The following CNTD1 variants were observed in gnomAD, a reference collection of about 807,000 sequenced individuals.
The protein encoded by CNTD1 is cyclin N-terminal domain containing 1.
In CNTD1, 17 loss-of-function variants were observed where a neutral mutation model predicts 36.3. That is an observed-to-expected ratio of 0.47 (90% CI 0.32 to 0.70). The LOEUF (loss-of-function observed/expected upper bound fraction) is 0.70. Among genes scored for constraint, CNTD1 ranks in the 30% least tolerant of loss-of-function variants. The pLI is 0.03. For synonymous variants in CNTD1, 128 were observed against 153.3 expected (o/e 0.83, Z 1.22); for missense variants, 338 against 386.1 (o/e 0.88, Z 1.04).
chr17:42,801,537 AT>A lies in CNTD1; in HGVS notation c.170-2082del, dbSNP rs1294527394. ...TATATATATATATATATATATATAT[AT>A]ATATATATAATATATGTGTGTGTGT... On this transcript the variant is annotated intron_variant, in intron 1 of 6. Transcript: ENST00000588408. 3.4e-3 allele frequency among the ~76,000 whole-genome samples: 270 copies of A among 78,988 alleles called. 5 individuals carry two copies. Among genetic ancestry groups the A allele is most frequent in the Admixed American group, 0.023 (150 of 6,648 alleles). The allele number at this position is 78,988 out of a possible 152,430, so 51.8% of individuals were successfully genotyped here.
At chr17:42,804,543 C>T in intron 3 of CNTD1, 147 bp downstream of exon 3, 2 of 687,432 alleles carry the variant, frequency 2.9e-6, no homozygotes, top group Non-Finnish European at 4.7e-6. Flanking sequence ...CGCGGTGGCT[C>T]ATGCCTGTAA....
Position 42,810,860 on chromosome 17 carries a change from T to G in CNTD1, c.*1325T>G, listed in dbSNP as rs1200853286. ...TGTCCACTGCTCCTCAGAGTTAAACTGGGTTTTGATGGAATAGGAGCCGCC... is the reference window on the plus strand; with the variant it reads ...TGTCCACTGCTCCTCAGAGTTAAACGGGGTTTTGATGGAATAGGAGCCGCC... On this transcript the variant is annotated 3_prime_UTR_variant, in exon 7 of 7. Transcript: ENST00000588408. The G allele has an allele frequency of 6.2e-7, 1 of 1,613,624 alleles. No homozygotes were observed. Among genetic ancestry groups the G allele is most frequent in the Non-Finnish European group, 8.5e-7 (1 of 1,179,800 alleles).
chr17:42,810,680 C>A lies in CNTD1; in HGVS notation c.*1145C>A, dbSNP rs1366935228. 4 of 1,430,952 alleles carry A rather than the reference C, an allele frequency of 2.8e-6. No homozygotes were observed. Among genetic ancestry groups the A allele is most frequent in the Non-Finnish European group, 1.9e-6 (2 of 1,062,240 alleles). 88.6% of individuals were successfully genotyped at this position (1,430,952 alleles called of 1,614,324 possible). ...TGTAAACATGTACTGTTTAATATTA[C>A]CCGAATTTAATTTAAAACATGTTTG... On this transcript the variant is annotated 3_prime_UTR_variant, in exon 7 of 7. Transcript: ENST00000588408.
At chr17:42,808,247 A>G (rs1254208928) in intron 6 of CNTD1, among the ~76,000 whole-genome samples, 1 of 151,902 alleles carries the variant, frequency 6.6e-6, no homozygotes, top group East Asian at 1.9e-4. Flanking sequence ...TTGTCTCTAC[A>G]AAAATTAAAA....
chr17:42,806,401 ACT>A (rs1228217869), intron 4 of CNTD1, among the ~76,000 whole-genome samples: 1 of 152,068 alleles, frequency 6.6e-6, no homozygotes, highest in African/African-American at 2.4e-5. Context: ...CTCACTAGGC[ACT>A]CTTATTGCAG....
intron 6 of CNTD1, 68 bp downstream of exon 6, chr17:42,807,932 TAAAGGA>T (rs2054907732): frequency 7.9e-7 from 1 of 1,265,540 alleles, no homozygotes; most frequent in Non-Finnish European, 1.2e-6. Flanking sequence ...ACCCATCAGT[TAAAGGA>T]AAACAGAGGA....
chr17:42,809,790 T>C lies in CNTD1; in HGVS notation c.*255T>C, dbSNP rs1174096917. 1 of 374,316 alleles carries C rather than the reference T, an allele frequency of 2.7e-6. No homozygotes were observed. The highest frequency in any genetic ancestry group is 4.9e-6 in the Non-Finnish European group (1 of 205,944). 23.2% of individuals were successfully genotyped at this position (374,316 alleles called of 1,614,324 possible). On this transcript the variant is annotated 3_prime_UTR_variant, in exon 7 of 7. Transcript: ENST00000588408. ...TGTTTCATTTTTGTTTAACAAGGTA[T>C]TTATACTTTTAGCTTAATTTCATTA...
Position 42,807,805 on chromosome 17 carries a change from T to C in CNTD1, c.763T>C (p.Leu255=). ...TTCAGTGAAGGAAGACTTCATGCTG[T>C]TGGCAGTAGGAATCATTGCAGCAAG... The part of the protein sequence containing the change: ...FTSVKEDFML[L]AVGIIAASAF... The change falls in exon 6 of 7, where the codon TTG becomes CTG. Residue 255 remains leucine, a synonymous_variant. Transcript: ENST00000588408. 3 of 1,614,194 alleles carry C rather than the reference T, an allele frequency of 1.9e-6. No homozygotes were observed. The highest frequency in any genetic ancestry group is 1.3e-5 in the African/African-American group (1 of 75,068).
rs1180028856 is a variant in CNTD1, at chr17:42,806,835, AG to A, written c.725+20del. Reference sequence around the variant, plus strand: ...GCTGCAAGGGTAAGACAACTCCTATAGGGTAGGCTCCTTCCAGGAACAGGGA... The same window carrying A: ...GCTGCAAGGGTAAGACAACTCCTATAGGTAGGCTCCTTCCAGGAACAGGGA... On this transcript the variant is annotated intron_variant, in intron 5 of 6. Transcript: ENST00000588408. The A allele has an allele frequency of 1.1e-5, 17 of 1,613,432 alleles. No homozygotes were observed. The highest frequency in any genetic ancestry group is 1.2e-5 in the Non-Finnish European group (14 of 1,179,598).
chr17:42,802,831 C>T (rs1241907818), intron 1 of CNTD1, among the ~76,000 whole-genome samples: 1 of 152,110 alleles, frequency 6.6e-6, no homozygotes, highest in Non-Finnish European at 1.5e-5. Flanking sequence ...CCCTTGTTTC[C>T]ACCCTCTAAT....
chr17:42,801,510 AATAT>A (rs1216506814), intron 1 of CNTD1, among the ~76,000 whole-genome samples: 4,846 of 53,608 alleles, frequency 0.09, 269 homozygotes, highest in South Asian at 0.12. Flanking sequence ...AAAAAAAAAA[AATAT>A]ATATATATAT....
Position 42,811,087 on chromosome 17 carries a change from T to G in CNTD1, c.*1552T>G. ...TTTGGATTTGCTTGAAAGCCAAAAATCAAGAAGACTGTCACAAGAGCCTCA... is the reference window on the plus strand; with the variant it reads ...TTTGGATTTGCTTGAAAGCCAAAAAGCAAGAAGACTGTCACAAGAGCCTCA... On this transcript the variant is annotated 3_prime_UTR_variant, in exon 7 of 7. Coordinates refer to ENST00000588408, the MANE Select transcript of CNTD1 (RefSeq NM_173478.3). The G allele has an allele frequency of 1.5e-6, 1 of 680,312 alleles. No homozygotes were observed. The highest frequency in any genetic ancestry group is 1.8e-5 in the African/African-American group (1 of 54,796). The allele number at this position is 680,312 out of a possible 1,614,324, so 42.1% of individuals were successfully genotyped here. A position where few individuals can be genotyped will look rare whatever the true frequency, so the allele number is the denominator to read the frequency against.
intron 1 of CNTD1, among the ~76,000 whole-genome samples, chr17:42,799,727 AGAC>A (rs1351318538): frequency 7.5e-6 from 1 of 133,278 alleles, no homozygotes; most frequent in Non-Finnish European, 1.6e-5. Flanking sequence ...ACTTCAGCCT[AGAC>A]GACAAGAATG....
At chr17:42,801,098 T>C (rs1329475577) in intron 1 of CNTD1, among the ~76,000 whole-genome samples, 2 of 148,440 alleles carry the variant, frequency 1.3e-5, no homozygotes, top group African/African-American at 5.0e-5. Flanking sequence ...GGCAGGGGAA[T>C]GGCTTGAACC....
chr17:42,806,113 A>C (rs2054874924), intron 4 of CNTD1, among the ~76,000 whole-genome samples: 1 of 152,100 alleles, frequency 6.6e-6, no homozygotes, highest in Non-Finnish European at 1.5e-5. Context: ...CTGTAATCCC[A>C]GCTACTTGGA....
rs749664215 is a variant in CNTD1 at position 42,803,655 on chromosome 17, G to T, written c.205G>T (p.Glu69Ter). 1.2e-6 allele frequency: 2 copies of T among 1,614,026 alleles called. No individual in the cohort carries two copies. Among genetic ancestry groups the T allele is most frequent in the South Asian group, 2.2e-5 (2 of 91,050 alleles). The change falls in exon 2 of 7, where the codon GAG becomes TAG. Residue 69 changes from glutamate (E) to a stop codon, truncating the protein, a stop_gained. Coordinates refer to ENST00000588408, the MANE Select transcript of CNTD1 (RefSeq NM_173478.3). LOFTEE classifies it high-confidence loss of function. ...TCTCCTGTCTGAACAATGGTGTCTG[G>T]AGAAATCTGTGAGCTACCAGGCTGT... is the stretch of plus-strand genomic sequence containing the variant. ...VFLLSEQWCL[E>*]KSVSYQAVEI...
chr17:42,806,497 T>C (rs1296329646), intron 4 of CNTD1, among the ~76,000 whole-genome samples, 177 bp from the exon 5 acceptor site: 9 of 152,202 alleles, frequency 5.9e-5, no homozygotes, highest in Middle Eastern at 3.4e-3. Context: ...CAGATGGAGG[T>C]TTCTCTACCT....
chr17:42,799,001 G>A lies in CNTD1; in HGVS notation c.-67G>A. ...ATCCAGGGTGTGGCAGAAGACTGGAGAGGAGCTAAGGGGGTCGGTATGTGG... is the reference window on the plus strand; with the variant it reads ...ATCCAGGGTGTGGCAGAAGACTGGAAAGGAGCTAAGGGGGTCGGTATGTGG... On this transcript the variant is annotated 5_prime_UTR_variant, in exon 1 of 7. Coordinates refer to ENST00000588408, the MANE Select transcript of CNTD1 (RefSeq NM_173478.3). The A allele has an allele frequency of 6.4e-7, 1 of 1,570,396 alleles. No individual in the cohort carries two copies. The highest frequency in any genetic ancestry group is 8.6e-7 in the Non-Finnish European group (1 of 1,159,428).
chr17:42,805,155 A>ACAT (rs528430109), intron 3 of CNTD1, among the ~76,000 whole-genome samples: 270 of 152,324 alleles, frequency 1.8e-3, no homozygotes, highest in African/African-American at 6.2e-3. Flanking sequence ...AAATGTTTCC[A>ACAT]CATCACTACC....
Sources: gnomAD v4.1 joint callset for allele counts (sites outside exome capture counted in the v4.1 genomes callset) on GRCh38, gnomAD v4.1.1 for gene constraint, MANE v1.5 for transcripts, NCBI Gene and HGNC (gene_info 2026-07-23, HGNC 2026-07-21) for gene names.